TNNI3K: variants seen among roughly 807,000 people sequenced by gnomAD.
TNNI3K encodes the protein TNNI3 interacting kinase, also known as serine/threonine-protein kinase TNNI3K.
Under a neutral mutation model 114.5 loss-of-function variants are expected in TNNI3K, and 140 were observed. The observed-to-expected ratio is 1.22, with a 90% confidence interval of 1.07 to 1.41. TNNI3K has a LOEUF of 1.41. Among genes scored for constraint, TNNI3K ranks in the 40% most tolerant of loss-of-function variants. The pLI, the probability that TNNI3K is intolerant of heterozygous loss-of-function variation, is 0.00. For missense variants in TNNI3K, 1,125 were observed against 1,007.6 expected (o/e 1.12, Z -1.58); for synonymous variants, 347 against 347.5 (o/e 1.00, Z 0.02).
intron 17 of TNNI3K, among the ~76,000 whole-genome samples, chr1:74,385,811 C>T (rs1052040231): frequency 6.6e-6 from 1 of 152,112 alleles, no homozygotes; most frequent in Non-Finnish European, 1.5e-5. Context: ...AAAAGATATT[C>T]AATGACAGAA....
chr1:74,258,921 C>G (rs905822049), intron 4 of TNNI3K, among the ~76,000 whole-genome samples: 1 of 152,068 alleles, frequency 6.6e-6, no homozygotes, highest in Non-Finnish European at 1.5e-5. Context: ...TAACAAACAA[C>G]CTAGGAATTT....
chr1:74,244,522 T>G (rs1251123363), intron 2 of TNNI3K, among the ~76,000 whole-genome samples: 1 of 151,864 alleles, frequency 6.6e-6, no homozygotes, highest in Non-Finnish European at 1.5e-5. Flanking sequence ...AATAAAGCAA[T>G]GGACCCTGGC....
At chr1:74,389,037 T>C (rs1663628493) in intron 17 of TNNI3K, among the ~76,000 whole-genome samples, 2 of 152,220 alleles carry the variant, frequency 1.3e-5, no homozygotes, top group African/African-American at 4.8e-5. Context: ...GAAGAGACCA[T>C]GCCCCGACCT....
chr1:74,464,828 A>C, intron 21 of TNNI3K: 1 of 1,453,616 alleles, frequency 6.9e-7, no homozygotes. Context: ...AGCTCCATGA[A>C]AGCGGTCCTT....
intron 23 of TNNI3K, among the ~76,000 whole-genome samples, chr1:74,494,484 T>C (rs1036167238): frequency 3.3e-5 from 5 of 152,214 alleles, no homozygotes; most frequent in African/African-American, 1.2e-4. Context: ...TAGTCTCTTG[T>C]ATAATTTCAA....
In TNNI3K at chr1:74,290,464, C is replaced by T. The variant is rs926507497; in HGVS notation, c.444+18756C>T. 1.2e-4 allele frequency among the ~76,000 whole-genome samples: 18 copies of T among 151,254 alleles called. No individual in the cohort carries two copies. In the East Asian group the frequency reaches 1.9e-3, roughly 16 times the overall value. Reference sequence around the variant, plus strand: ...AATTCACTTCTAGAAATTTATTTTACGAAAATAATAAGAGATTGAATTGCA... The same window carrying T: ...AATTCACTTCTAGAAATTTATTTTATGAAAATAATAAGAGATTGAATTGCA... On this transcript the variant is annotated intron_variant, in intron 5 of 24. Coordinates refer to ENST00000326637, the MANE Select transcript of TNNI3K (RefSeq NM_015978.3).
At chr1:74,451,707 C>CTTTT (rs1413569399) in intron 20 of TNNI3K, among the ~76,000 whole-genome samples, 1 of 32,030 alleles carries the variant, frequency 3.1e-5, no homozygotes, top group Non-Finnish European at 6.0e-5. Context: ...TTCTTTCTTT[C>CTTTT]TTTCTTTCTT....
At chr1:74,436,189 G>A in intron 18 of TNNI3K, 57 bp downstream of exon 18, 2 of 1,589,218 alleles carry the variant, frequency 1.3e-6, no homozygotes, top group South Asian at 1.1e-5. Context: ...GTACAATATG[G>A]TGCCTGATAT....
At chr1:74,535,645 C>T (rs1305609723) in intron 23 of TNNI3K, among the ~76,000 whole-genome samples, 1 of 152,160 alleles carries the variant, frequency 6.6e-6, no homozygotes, top group African/African-American at 2.4e-5. Flanking sequence ...GTATCCCCTA[C>T]TAGAACAATT....
chr1:74,392,772 A>G (rs535104997), intron 17 of TNNI3K, among the ~76,000 whole-genome samples: 3 of 152,256 alleles, frequency 2.0e-5, no homozygotes, highest in Admixed American at 2.0e-4. Context: ...TTTCCCCTTT[A>G]TCATTTTTGA....
intron 21 of TNNI3K, 70 bp downstream of exon 21, chr1:74,463,620 A>G: frequency 6.5e-7 from 1 of 1,547,692 alleles, no homozygotes; most frequent in Non-Finnish European, 8.9e-7. Flanking sequence ...TATAACTCCA[A>G]AGTCTACTTT....
At chr1:74,369,156 G>A (rs768093252) in intron 14 of TNNI3K, 42 bp downstream of exon 14, 1 of 1,599,832 alleles carries the variant, frequency 6.3e-7, no homozygotes, top group Non-Finnish European at 8.5e-7. Context: ...CGGTTTAGTT[G>A]AATGAGCTTA....
intron 20 of TNNI3K, among the ~76,000 whole-genome samples, chr1:74,440,901 G>GT (rs1350354152): frequency 6.6e-6 from 1 of 151,984 alleles, no homozygotes. Context: ...GTACTATGGT[G>GT]TTTTTTCGTA....
intron 17 of TNNI3K, among the ~76,000 whole-genome samples, chr1:74,380,764 C>T (rs1663162075): frequency 6.6e-6 from 1 of 152,106 alleles, no homozygotes; most frequent in African/African-American, 2.4e-5. Context: ...TGTCGATTTC[C>T]TAAGCAGCTA....
intron 7 of TNNI3K, among the ~76,000 whole-genome samples, chr1:74,342,223 A>G (rs897466375): frequency 2.0e-5 from 3 of 152,200 alleles, no homozygotes; most frequent in African/African-American, 7.2e-5. Context: ...AGAAGGACAC[A>G]TGTCTACTAC....
At chr1:74,519,293 T>A (rs545085548) in intron 23 of TNNI3K, among the ~76,000 whole-genome samples, 3 of 85,446 alleles carry the variant, frequency 3.5e-5, no homozygotes, top group Non-Finnish European at 4.3e-5. Flanking sequence ...TGTTGGACAT[T>A]TGGGTTGGTT....
At chr1:74,281,317 A>G (rs141243912) in intron 5 of TNNI3K, among the ~76,000 whole-genome samples, 6 of 136,450 alleles carry the variant, frequency 4.4e-5, no homozygotes, top group African/African-American at 1.1e-4. Flanking sequence ...GGATTATACT[A>G]TCACCCACAA....
chr1:74,453,550 A>C (rs749259958), intron 20 of TNNI3K, among the ~76,000 whole-genome samples: 2 of 152,194 alleles, frequency 1.3e-5, no homozygotes, highest in South Asian at 2.1e-4. Context: ...ATTTAACAGC[A>C]TACTACTTCC....
At chr1:74,369,135 A>G (rs1435959497) in intron 14 of TNNI3K, 21 bp downstream of exon 14, 1 of 1,598,772 alleles carries the variant, frequency 6.3e-7, no homozygotes, top group South Asian at 1.1e-5. Flanking sequence ...ATAAATAAAT[A>G]AATAAAGGTC....
Sources: gnomAD v4.1 joint callset for allele counts (sites outside exome capture counted in the v4.1 genomes callset) on GRCh38, gnomAD v4.1.1 for gene constraint, MANE v1.5 for transcripts, NCBI Gene and HGNC (gene_info 2026-07-23, HGNC 2026-07-21) for gene names.